The following CACHD1 variants were observed in gnomAD, a reference collection of about 807,000 sequenced individuals.
CACHD1 encodes VWFA and cache domain-containing protein 1.
CACHD1 carries 71 observed loss-of-function variants against 138.7 expected under a neutral mutation model. The ratio of observed to expected loss-of-function variants is 0.51; its 90% CI spans 0.42 to 0.62. The LOEUF (loss-of-function observed/expected upper bound fraction) is 0.62. Among genes scored for constraint, CACHD1 ranks in the 20% least tolerant of loss-of-function variants. CACHD1 has a pLI of 0.00. For synonymous variants in CACHD1, 578 were observed against 591.5 expected, an observed-to-expected ratio of 0.98 and a Z score of 0.33; for missense variants, 1,389 against 1,625.3, an observed-to-expected ratio of 0.85 and a Z score of 2.50.
intron 1 of CACHD1, among the ~76,000 whole-genome samples, chr1:64,473,463 T>C (rs1021751169): frequency 1.3e-5 from 2 of 152,114 alleles, no homozygotes; most frequent in Admixed American, 6.5e-5. Context: ...GTAGGTTATA[T>C]AGCCCTCCCT....
chr1:64,665,542 T>G (rs190513502), intron 15 of CACHD1, among the ~76,000 whole-genome samples: 1 of 152,202 alleles, frequency 6.6e-6, no homozygotes, highest in Non-Finnish European at 1.5e-5. Context: ...CAATGTCTCT[T>G]TTTAAAGTAA....
At chr1:64,539,848 G>C in intron 1 of CACHD1, among the ~76,000 whole-genome samples, 1 of 152,138 alleles carries the variant, frequency 6.6e-6, no homozygotes, top group East Asian at 1.9e-4. Flanking sequence ...TACCTCAAAG[G>C]CAAGTCCAAG....
At chr1:64,662,581 A>T (rs1174805533) in intron 13 of CACHD1, among the ~76,000 whole-genome samples, 1 of 152,236 alleles carries the variant, frequency 6.6e-6, no homozygotes, top group Non-Finnish European at 1.5e-5. Flanking sequence ...GTGAGAACTA[A>T]CAAAAGGAGT....
chr1:64,578,250 A>G (rs569694495), intron 2 of CACHD1, among the ~76,000 whole-genome samples: 139 of 152,348 alleles, frequency 9.1e-4, no homozygotes, highest in Non-Finnish European at 1.8e-3. Context: ...CTTTGGGCTC[A>G]TCACTTAACT....
At chr1:64,599,588 A>G (rs1005952816) in intron 3 of CACHD1, among the ~76,000 whole-genome samples, 1 of 152,182 alleles carries the variant, frequency 6.6e-6, no homozygotes, top group African/African-American at 2.4e-5. Flanking sequence ...ATTATTGTTG[A>G]CAAGTACCAC....
At chr1:64,655,586 A>G (rs1242355020) in intron 12 of CACHD1, among the ~76,000 whole-genome samples, 1 of 152,196 alleles carries the variant, frequency 6.6e-6, no homozygotes, top group Non-Finnish European at 1.5e-5. Context: ...ACACAAGCAG[A>G]TGGATAGTTT....
chr1:64,509,691 A>G (rs1026120863), intron 1 of CACHD1, among the ~76,000 whole-genome samples: 3 of 152,212 alleles, frequency 2.0e-5, no homozygotes, highest in Non-Finnish European at 2.9e-5. Flanking sequence ...TAAATGCAAA[A>G]TTAAGACTGT....
intron 12 of CACHD1, among the ~76,000 whole-genome samples, chr1:64,655,045 G>A (rs1237659812): frequency 6.6e-6 from 1 of 152,156 alleles, no homozygotes; most frequent in Admixed American, 6.5e-5. Flanking sequence ...ATAAAAGGAT[G>A]TAAAGTAGAA....
At chr1:64,570,982 A>C (rs1646923435) in intron 2 of CACHD1, among the ~76,000 whole-genome samples, 1 of 152,172 alleles carries the variant, frequency 6.6e-6, no homozygotes, top group East Asian at 1.9e-4. Context: ...TGCATTGTAA[A>C]GACCCCAAAA....
At chr1:64,487,123 G>C (rs1329711952) in intron 1 of CACHD1, among the ~76,000 whole-genome samples, 1 of 152,192 alleles carries the variant, frequency 6.6e-6, no homozygotes, top group Non-Finnish European at 1.5e-5. Flanking sequence ...TGGAGAACAA[G>C]TTTGGATTTT....
intron 1 of CACHD1, among the ~76,000 whole-genome samples, chr1:64,474,632 A>C (rs1045672983): frequency 2.6e-5 from 4 of 152,164 alleles, no homozygotes; most frequent in African/African-American, 7.2e-5. Flanking sequence ...TTCCAGCACA[A>C]CTCCTTAAGG....
chr1:64,569,673 A>G (rs560455477), intron 2 of CACHD1, among the ~76,000 whole-genome samples: 1 of 152,276 alleles, frequency 6.6e-6, no homozygotes, highest in East Asian at 1.9e-4. Flanking sequence ...GTAAGCAGCC[A>G]TTAGTTTAGT....
intron 2 of CACHD1, among the ~76,000 whole-genome samples, chr1:64,552,702 C>G (rs947816800): frequency 6.6e-6 from 1 of 152,132 alleles, no homozygotes; most frequent in African/African-American, 2.4e-5. Flanking sequence ...TGGTCTCAAA[C>G]TCCTCAGCGC....
intron 1 of CACHD1, among the ~76,000 whole-genome samples, chr1:64,536,950 G>A (rs1646637443): frequency 6.6e-6 from 1 of 152,148 alleles, no homozygotes; most frequent in African/African-American, 2.4e-5. Flanking sequence ...GGCTCAGACG[G>A]TTTGGATAAT....
chr1:64,532,453 T>C (rs995495566), intron 1 of CACHD1, among the ~76,000 whole-genome samples: 37 of 152,158 alleles, frequency 2.4e-4, no homozygotes, highest in Non-Finnish European at 4.1e-4. Flanking sequence ...TTGCATAAAA[T>C]GGCATTTGAG....
intron 4 of CACHD1, among the ~76,000 whole-genome samples, chr1:64,624,602 G>T (rs1017196731): frequency 2.6e-5 from 4 of 152,142 alleles, no homozygotes; most frequent in East Asian, 1.9e-4. Flanking sequence ...CTCACAAAGG[G>T]CAAGTTTCCT....
chr1:64,508,494 T>G (rs986661957), intron 1 of CACHD1, among the ~76,000 whole-genome samples: 4 of 152,126 alleles, frequency 2.6e-5, no homozygotes, highest in Admixed American at 6.5e-5. Flanking sequence ...ATTAGCAAAT[T>G]TATCTGTCTA....
chr1:64,571,492 A>T (rs576687936), intron 2 of CACHD1, among the ~76,000 whole-genome samples: 68 of 152,326 alleles, frequency 4.5e-4, no homozygotes, highest in African/African-American at 1.6e-3. Flanking sequence ...CTAGATTTTT[A>T]AAAATTTTAG....
At chr1:64,596,320 T>C (rs1647151221) in intron 3 of CACHD1, among the ~76,000 whole-genome samples, 1 of 152,236 alleles carries the variant, frequency 6.6e-6, no homozygotes, top group African/African-American at 2.4e-5. Context: ...TCTTTTCAAC[T>C]GGTGTTGCTC....
Sources: allele counts gnomAD v4.1 joint callset (sites outside exome capture counted in the v4.1 genomes callset), GRCh38; gene constraint gnomAD v4.1.1; transcripts MANE v1.5; gene names NCBI Gene and HGNC (gene_info 2026-07-23, HGNC 2026-07-21).